TBP: variants seen among roughly 807,000 people sequenced by gnomAD.
TBP encodes the protein TATA-box-binding protein.
Under a neutral mutation model 46.2 loss-of-function variants are expected in TBP, and 12 were observed. That is an observed-to-expected ratio of 0.26 (90% CI 0.17 to 0.42). TBP has a LOEUF of 0.42. Among genes scored for constraint, TBP ranks in the 10% least tolerant of loss-of-function variants. TBP has a pLI of 1.00. For missense variants in TBP, 229 were observed against 403.1 expected, an observed-to-expected ratio of 0.57 and a Z score of 3.70; for synonymous variants, 157 against 148.3, an observed-to-expected ratio of 1.06 and a Z score of -0.42.
intron 6 of TBP, 86 bp from the exon 7 acceptor site, chr6:170,571,324 C>T: frequency 1.2e-6 from 1 of 853,376 alleles, no homozygotes; most frequent in Non-Finnish European, 1.9e-6. Flanking sequence ...TTTGTTTATT[C>T]AGTATTTTTC....
At chr6:170,562,635 GT>G (rs1450153266) in intron 3 of TBP, among the ~76,000 whole-genome samples, 6 of 151,944 alleles carry the variant, frequency 3.9e-5, no homozygotes, top group Non-Finnish European at 7.4e-5. Context: ...CTTGTTTTTT[GT>G]TTTTACTATG....
intron 2 of TBP, among the ~76,000 whole-genome samples, chr6:170,561,210 T>A (rs1779132834): frequency 6.6e-6 from 1 of 152,232 alleles, no homozygotes; most frequent in Non-Finnish European, 1.5e-5. Context: ...TATATACATA[T>A]TATTAGACAT....
At chr6:170,563,189 T>C (rs1350147860) in intron 3 of TBP, among the ~76,000 whole-genome samples, 1 of 152,214 alleles carries the variant, frequency 6.6e-6, no homozygotes, top group Non-Finnish European at 1.5e-5. Context: ...CACTCCCATG[T>C]GTCCAGCATG....
rs1779384017 is a variant in TBP at position 170,572,563 on chromosome 6, T to A, written c.*298T>A. On this transcript the variant is annotated 3_prime_UTR_variant, in exon 8 of 8. Coordinates refer to ENST00000392092, the MANE Select transcript of TBP (RefSeq NM_003194.5). ...TTAAACACTGCTGTTGACAAGTTGG[T>A]TTGAGGGAGAAAACTTTAAGTGTTA... 1 of 320,118 alleles carries A rather than the reference T, an allele frequency of 3.1e-6. No homozygotes were observed. Among genetic ancestry groups the A allele is most frequent in the Admixed American group, 4.9e-5 (1 of 20,606 alleles). The allele number at this position is 320,118 out of a possible 1,614,324, so 19.8% of individuals were successfully genotyped here.
intron 1 of TBP, among the ~76,000 whole-genome samples, chr6:170,555,715 A>C (rs1302322115): frequency 6.6e-6 from 1 of 152,118 alleles, no homozygotes; most frequent in Non-Finnish European, 1.5e-5. Flanking sequence ...ATGATCACAT[A>C]CTGTATTCCA....
chr6:170,554,504 C>T (rs1199571368), intron 1 of TBP, 41 bp downstream of exon 1: 1 of 152,588 alleles, frequency 6.6e-6, no homozygotes, highest in Non-Finnish European at 1.5e-5. Flanking sequence ...GGGCGAAGGC[C>T]ACCACTGCAC....
In TBP at chr6:170,560,346, T is replaced by A. The variant is rs565657951; in HGVS notation, c.55-1445T>A. ...AGTCCCTGTTGCTACAAAAAAAAAT[T>A]TTTTTTTAATTAGCTGGTCATGGTG... On this transcript the variant is annotated intron_variant, in intron 2 of 7. Coordinates refer to ENST00000392092, the MANE Select transcript of TBP (RefSeq NM_003194.5). 3.1e-4 allele frequency among the ~76,000 whole-genome samples: 47 copies of A among 151,676 alleles called. No homozygotes were observed. The East Asian group carries it at 3.3e-3, about 11-fold the overall frequency.
chr6:170,558,294 C>T (rs897785253), intron 2 of TBP, among the ~76,000 whole-genome samples: 1 of 152,200 alleles, frequency 6.6e-6, no homozygotes, highest in Non-Finnish European at 1.5e-5. Flanking sequence ...TTTGAAGTGG[C>T]TGTATTGTTT....
intron 3 of TBP, 139 bp from the exon 4 acceptor site, chr6:170,564,406 T>G: frequency 1.5e-5 from 8 of 534,588 alleles, no homozygotes; most frequent in Middle Eastern, 5.6e-4. Context: ...GCATGATACT[T>G]GTTAAACAAT....
At position 170,571,520 on chromosome 6, in the gene TBP, AAGT is replaced by A; in HGVS notation, c.940+21_940+23del. On this transcript the variant is annotated intron_variant, in intron 7 of 7. Coordinates refer to ENST00000392092, the MANE Select transcript of TBP (RefSeq NM_003194.5). ...GTATTAACAGGTAAGTTGTAACAGG[AAGT>A]AGTATCTGAAAGTTTGTAAGTGTTT... 6.4e-7 allele frequency: 1 copy of A among 1,568,652 alleles called. No homozygotes were observed. The highest frequency in any genetic ancestry group is 1.1e-5 in the South Asian group (1 of 89,766).
chr6:170,558,756 C>T (rs1197737774), intron 2 of TBP, among the ~76,000 whole-genome samples: 1 of 147,752 alleles, frequency 6.8e-6, no homozygotes, highest in Non-Finnish European at 1.5e-5. Context: ...TGCAGTGGTG[C>T]AGTCTTGGCT....
intron 2 of TBP, among the ~76,000 whole-genome samples, chr6:170,559,108 G>T (rs187808978): frequency 2.0e-5 from 3 of 152,252 alleles, no homozygotes; most frequent in East Asian, 1.9e-4. Flanking sequence ...TGTCTGCAGC[G>T]TGACCAACCA....
intron 2 of TBP, among the ~76,000 whole-genome samples, chr6:170,558,394 G>A (rs193156024): frequency 5.0e-4 from 76 of 152,296 alleles, no homozygotes; most frequent in African/African-American, 1.5e-3. Flanking sequence ...TTGCTTAGTA[G>A]TATCTTATTG....
At position 170,571,434 on chromosome 6, in the gene TBP, T is replaced by C. The variant is rs768903671; in HGVS notation, c.870T>C (p.Gly290=). 6.2e-7 allele frequency: 1 copy of C among 1,613,802 alleles called. No individual in the cohort carries two copies. Among genetic ancestry groups the C allele is most frequent in the East Asian group, 2.2e-5 (1 of 44,868 alleles). Residue 290 remains glycine (G), a synonymous_variant, in exon 7 of 8, where the codon GGT becomes GGC. Coordinates refer to ENST00000392092, the MANE Select transcript of TBP (RefSeq NM_003194.5). ...GTTATGAGCCAGAGTTATTTCCTGG[T>C]TTAATCTACAGAATGATCAAACCCA... ...FSSYEPELFP[G]LIYRMIKPRI...
chr6:170,559,548 T>C (rs1779101744), intron 2 of TBP, among the ~76,000 whole-genome samples: 1 of 152,206 alleles, frequency 6.6e-6, no homozygotes, highest in Admixed American at 6.5e-5. Flanking sequence ...CTCTCTTCAA[T>C]TCTGTAAAGG....
chr6:170,565,291 C>T (rs1389272101), intron 4 of TBP, among the ~76,000 whole-genome samples: 1 of 152,172 alleles, frequency 6.6e-6, no homozygotes, highest in Non-Finnish European at 1.5e-5. Flanking sequence ...CCTGGGAGTA[C>T]AGCAGTCTAT....
intron 6 of TBP, among the ~76,000 whole-genome samples, chr6:170,570,277 C>T (rs1034501661): frequency 1.3e-5 from 2 of 152,162 alleles, no homozygotes; most frequent in African/African-American, 2.4e-5. Flanking sequence ...GGTGTCTGTT[C>T]ACAGGCACAT....
chr6:170,569,561 G>A lies in TBP; in HGVS notation c.678-51G>A, dbSNP rs1779334598. 2.6e-6 allele frequency: 4 copies of A among 1,538,700 alleles called. No homozygotes were observed. The East Asian group carries it at 6.8e-5, about 26-fold the overall frequency. ...TTTTATAAGTTATTAGTCTAAATAA[G>A]TATTTTAGCTGGCTCTGAGTATGAA... On this transcript the variant is annotated intron_variant, in intron 5 of 7. Coordinates refer to ENST00000392092, the MANE Select transcript of TBP (RefSeq NM_003194.5).
intron 5 of TBP, among the ~76,000 whole-genome samples, chr6:170,567,727 T>G (rs976534222): frequency 6.6e-6 from 1 of 152,190 alleles, no homozygotes; most frequent in Non-Finnish European, 1.5e-5. Context: ...GGAACTAGCT[T>G]TCATTAATAG....
Sources: allele counts gnomAD v4.1 joint callset (sites outside exome capture counted in the v4.1 genomes callset), GRCh38; gene constraint gnomAD v4.1.1; transcripts MANE v1.5; gene names NCBI Gene and HGNC (gene_info 2026-07-23, HGNC 2026-07-21).